CDK6: variants seen among roughly 807,000 people sequenced by gnomAD.
CDK6 encodes the protein cyclin-dependent kinase 6.
A neutral mutation model predicts 37.1 loss-of-function variants in CDK6; 6 were observed. The ratio of observed to expected loss-of-function variants is 0.16; its 90% CI spans 0.09 to 0.32. The LOEUF (loss-of-function observed/expected upper bound fraction) is 0.32, where lower values mean the gene tolerates loss of function less well. CDK6 is among the 10% of genes least tolerant of loss of function. The pLI is 1.00. For missense variants in CDK6, 224 were observed against 418.9 expected (o/e 0.53, Z 4.06); for synonymous variants, 160 against 161.3 (o/e 0.99, Z 0.06).
chr7:92,833,600 C>G lies in CDK6; in HGVS notation c.-277G>C. The G allele has an allele frequency of 1.9e-6, 1 of 538,228 alleles. No homozygotes were observed. The highest frequency in any genetic ancestry group is 2.6e-5 in the South Asian group (1 of 37,968). The allele number at this position is 538,228 out of a possible 1,614,324, so 33.3% of individuals were successfully genotyped here. ...GCCGCCGCCGGAGGAGCGAGCCGATCCCTCCTCTTCCCTCCTCGAAGCGAA... is the reference window on the plus strand; with the variant it reads ...GCCGCCGCCGGAGGAGCGAGCCGATGCCTCCTCTTCCCTCCTCGAAGCGAA... On this transcript the variant is annotated 5_prime_UTR_variant, in exon 2 of 8. Transcript: ENST00000424848. The surrounding 1 kb of genome is among the most constrained non-coding windows in gnomAD (Gnocchi z 6.1).
chr7:92,796,139 T>C (rs1451300544), intron 2 of CDK6, among the ~76,000 whole-genome samples: 1 of 150,750 alleles, frequency 6.6e-6, no homozygotes, highest in African/African-American at 2.4e-5. Context: ...TTAGCATGCA[T>C]GTATCAGTTT....
At position 92,749,569 on chromosome 7, in the gene CDK6, C is replaced by A. The variant is rs140332331; in HGVS notation, c.370-23776G>T. Reference sequence around the variant, plus strand: ...CAAACCTGAAATTCTTCAGGGTATTCATATCAAATTCTCATTCCTATAATC... The same window carrying A: ...CAAACCTGAAATTCTTCAGGGTATTAATATCAAATTCTCATTCCTATAATC... On this transcript the variant is annotated intron_variant, in intron 3 of 7. Coordinates refer to ENST00000424848, the MANE Select transcript of CDK6 (RefSeq NM_001145306.2). 9.4e-3 allele frequency among the ~76,000 whole-genome samples: 1,427 copies of A among 152,276 alleles called. 12 individuals carry two copies. Among genetic ancestry groups the A allele is most frequent in the Non-Finnish European group, 0.014 (972 of 68,036 alleles).
At chr7:92,816,401 A>G (rs1801030990) in intron 2 of CDK6, among the ~76,000 whole-genome samples, 1 of 152,196 alleles carries the variant, frequency 6.6e-6, no homozygotes, top group Non-Finnish European at 1.5e-5. Context: ...TACCAAGATA[A>G]GCTATATGTT....
intron 5 of CDK6, among the ~76,000 whole-genome samples, chr7:92,656,131 G>T (rs1585373617): frequency 6.6e-6 from 1 of 152,254 alleles, no homozygotes; most frequent in Admixed American, 6.5e-5. Flanking sequence ...AGAAGGAGGA[G>T]AACAGGAGCG....
chr7:92,626,402 A>T (rs527551058), intron 5 of CDK6, among the ~76,000 whole-genome samples: 1 of 152,172 alleles, frequency 6.6e-6, no homozygotes, highest in Admixed American at 6.6e-5. Context: ...AGTGGGAGAC[A>T]GAAGTCGCGG....
chr7:92,666,765 T>C (rs1002844626), intron 5 of CDK6, among the ~76,000 whole-genome samples: 4 of 152,226 alleles, frequency 2.6e-5, no homozygotes, highest in Non-Finnish European at 4.4e-5. Flanking sequence ...CTGCCAGTCA[T>C]ATTAAAGTAT....
intron 5 of CDK6, among the ~76,000 whole-genome samples, chr7:92,660,353 G>A (rs1012851114): frequency 3.3e-5 from 5 of 152,274 alleles, no homozygotes; most frequent in Middle Eastern, 3.4e-3. Flanking sequence ...GATGACAGAG[G>A]CAGCTGGGCA....
At chr7:92,707,548 C>T (rs893352016) in intron 4 of CDK6, among the ~76,000 whole-genome samples, 3 of 152,046 alleles carry the variant, frequency 2.0e-5, no homozygotes, top group Non-Finnish European at 4.4e-5. Flanking sequence ...AACAATGTTG[C>T]CAAGAAGGAA....
chr7:92,730,755 T>C (rs983033510), intron 3 of CDK6, among the ~76,000 whole-genome samples: 2 of 152,242 alleles, frequency 1.3e-5, no homozygotes, highest in Non-Finnish European at 2.9e-5. Context: ...TGTATGTATA[T>C]ATGACATTTT....
chr7:92,750,817 C>T (rs1356312754), intron 3 of CDK6, among the ~76,000 whole-genome samples: 1 of 151,880 alleles, frequency 6.6e-6, no homozygotes. Flanking sequence ...ATTCAGTTTT[C>T]GCAATATAAA....
intron 3 of CDK6, among the ~76,000 whole-genome samples, chr7:92,749,408 G>A (rs1448481486): frequency 6.6e-6 from 1 of 152,064 alleles, no homozygotes; most frequent in African/African-American, 2.4e-5. Flanking sequence ...AGGCTGCAGT[G>A]AGCTATGATC....
intron 5 of CDK6, among the ~76,000 whole-genome samples, chr7:92,623,814 C>T (rs777866654): frequency 3.9e-5 from 6 of 152,164 alleles, no homozygotes; most frequent in Non-Finnish European, 8.8e-5. Context: ...TAAATCCCTG[C>T]CATAGAGCTT....
chr7:92,732,903 A>G (rs1418393752), intron 3 of CDK6, among the ~76,000 whole-genome samples: 1 of 152,224 alleles, frequency 6.6e-6, no homozygotes, highest in African/African-American at 2.4e-5. Context: ...GAGTGTAAAC[A>G]GGGAAAGAGT....
intron 2 of CDK6, among the ~76,000 whole-genome samples, chr7:92,811,377 G>A (rs1213253278): frequency 1.3e-5 from 2 of 152,048 alleles, no homozygotes; most frequent in Admixed American, 6.5e-5. Context: ...ACTGAGACAC[G>A]TGGCTGAAAA....
intron 2 of CDK6, among the ~76,000 whole-genome samples, chr7:92,784,607 C>G (rs1439624566): frequency 1.3e-5 from 2 of 152,106 alleles, no homozygotes; most frequent in Admixed American, 6.6e-5. Flanking sequence ...GACTGAGAGA[C>G]CCCAAAACCT....
At chr7:92,659,054 A>G (rs903066637) in intron 5 of CDK6, among the ~76,000 whole-genome samples, 1 of 152,246 alleles carries the variant, frequency 6.6e-6, no homozygotes, top group African/African-American at 2.4e-5. Context: ...CCCAACATCT[A>G]TAGCCCCTAC....
At chr7:92,640,203 C>T (rs559544922) in intron 5 of CDK6, among the ~76,000 whole-genome samples, 62 of 152,214 alleles carry the variant, frequency 4.1e-4, no homozygotes, top group African/African-American at 1.4e-3. Context: ...CCTTTGGCAA[C>T]GGCACTGGAA....
At chr7:92,822,456 T>C (rs1346631818) in intron 2 of CDK6, among the ~76,000 whole-genome samples, 4 of 152,174 alleles carry the variant, frequency 2.6e-5, no homozygotes, top group African/African-American at 9.7e-5. Flanking sequence ...GTAGTGTTAA[T>C]TTACATTTTT....
At position 92,836,463 on chromosome 7, in the gene CDK6, C is replaced by T. The variant is rs1451285844; in HGVS notation, c.-368+15G>A. On this transcript the variant is annotated intron_variant, in intron 1 of 7. Coordinates refer to ENST00000424848, the MANE Select transcript of CDK6 (RefSeq NM_001145306.2). ...CCACCCCGCAGCCCACCCACCCGAG[C>T]GCACAGCTCCTCACCTGAGGGGCCC... 1 of 151,594 alleles carries T rather than the reference C, an allele frequency of 6.6e-6. No homozygotes were observed. The highest frequency in any genetic ancestry group is 2.4e-5 in the African/African-American group (1 of 41,308). 9.4% of individuals were successfully genotyped at this position (151,594 alleles called of 1,614,324 possible).
Sources: gnomAD v4.1 joint callset for allele counts (sites outside exome capture counted in the v4.1 genomes callset) on GRCh38, gnomAD v4.1.1 for gene constraint, Gnocchi (gnomAD v3.1) non-coding constraint, MANE v1.5 for transcripts, NCBI Gene and HGNC (gene_info 2026-07-23, HGNC 2026-07-21) for gene names.